The following FAM234A variants were observed in gnomAD, a reference collection of about 807,000 sequenced individuals.
FAM234A encodes the protein protein FAM234A.
A neutral mutation model predicts 49.1 loss-of-function variants in FAM234A; 42 were observed. That is an observed-to-expected ratio of 0.86 (90% CI 0.67 to 1.11). The LOEUF (loss-of-function observed/expected upper bound fraction) is 1.11, where lower values mean the gene tolerates loss of function less well. FAM234A is among the 50% of genes least tolerant of loss of function. The pLI, the probability that FAM234A is intolerant of heterozygous loss-of-function variation, is 0.00. For missense variants in FAM234A, 815 were observed against 745.2 expected, an observed-to-expected ratio of 1.09 and a Z score of -1.09; for synonymous variants, 369 against 316.2, an observed-to-expected ratio of 1.17 and a Z score of -1.77.
Position 260,153 on chromosome 16 carries a change from G to A in FAM234A, c.570G>A (p.Leu190=). 6.2e-7 allele frequency: 1 copy of A among 1,613,586 alleles called. No homozygotes were observed. Among genetic ancestry groups the A allele is most frequent in the South Asian group, 1.1e-5 (1 of 91,078 alleles). Residue 190 remains leucine (L), a synonymous_variant, in exon 5 of 13, where the codon TTG becomes TTA. Coordinates refer to ENST00000399932, the MANE Select transcript of FAM234A (RefSeq NM_032039.4). ...GRPSSFIAVN[L]FTGETLWNHS... is the part of the protein sequence containing the mutation. ...CCAGTTCTTTCATTGCAGTCAACTT[G>A]TTCACAGGTAGGCCAGCCAGGCAGC...
chr16:248,963 A>G (rs141120383), intron 1 of FAM234A, among the ~76,000 whole-genome samples: 1 of 152,138 alleles, frequency 6.6e-6, no homozygotes, highest in Non-Finnish European at 1.5e-5. Context: ...TTTTAAAATT[A>G]TAAATCCAAA....
Position 262,221 on chromosome 16 carries a change from C to G in FAM234A, c.837C>G (p.Pro279=). The G allele has an allele frequency of 6.2e-7, 1 of 1,613,914 alleles. No homozygotes were observed. Among genetic ancestry groups the G allele is most frequent in the South Asian group, 1.1e-5 (1 of 91,070 alleles). ...CAGGTGCCCACTACATCCTCTTTCC[C>G]TGCGGTACGTTGTTTCTGCCACATC... ...TRTGAHYILF[P]CASSLCGCSV... is the part of the protein sequence containing the mutation. The change falls in exon 7 of 13, where the codon CCC becomes CCG. Residue 279 remains proline, a synonymous_variant. Coordinates refer to ENST00000399932, the MANE Select transcript of FAM234A (RefSeq NM_032039.4).
At chr16:242,301 A>G (rs1010483234) in intron 1 of FAM234A, among the ~76,000 whole-genome samples, 4 of 151,542 alleles carry the variant, frequency 2.6e-5, no homozygotes, top group African/African-American at 4.9e-5. Context: ...CACATCCCCT[A>G]CCTCCCAGGC....
chr16:240,530 C>CTTTTT, intron 1 of FAM234A, among the ~76,000 whole-genome samples: 1 of 147,244 alleles, frequency 6.8e-6, no homozygotes. Flanking sequence ...GAGACAGAGT[C>CTTTTT]TTGCTCTTGT....
At chr16:241,920 AAAAG>A (rs1463085204) in intron 1 of FAM234A, among the ~76,000 whole-genome samples, 1 of 152,060 alleles carries the variant, frequency 6.6e-6, no homozygotes. Flanking sequence ...AAAAAAAAAA[AAAAG>A]GCAATTAGAA....
intron 1 of FAM234A, among the ~76,000 whole-genome samples, chr16:240,827 C>T (rs1361481246): frequency 6.6e-6 from 1 of 152,068 alleles, no homozygotes; most frequent in Non-Finnish European, 1.5e-5. Context: ...AATCCATTGA[C>T]AAAATCTTTT....
chr16:267,562 T>A (rs949718229), downstream of FAM234A, among the ~76,000 whole-genome samples: 1 of 148,708 alleles, frequency 6.7e-6, no homozygotes, highest in Non-Finnish European at 1.5e-5. Context: ...ACAGTACACC[T>A]GCACACGTGC....
chr16:235,518 G>C (rs1003570359), intron 1 of FAM234A, among the ~76,000 whole-genome samples: 3 of 152,164 alleles, frequency 2.0e-5, no homozygotes, highest in African/African-American at 7.2e-5. Flanking sequence ...GAGAGAGTTT[G>C]CCCTTGGACA....
chr16:251,726 A>G (rs1460615087), intron 2 of FAM234A, among the ~76,000 whole-genome samples: 2 of 122,530 alleles, frequency 1.6e-5, no homozygotes, highest in East Asian at 2.7e-4. Context: ...GGTCTTGGCC[A>G]GGCGTGGTGG....
intron 1 of FAM234A, among the ~76,000 whole-genome samples, chr16:246,171 C>T (rs1028023819): frequency 4.6e-5 from 7 of 151,324 alleles, no homozygotes; most frequent in African/African-American, 1.7e-4. Context: ...GCCAAGATCA[C>T]GCCATTGTAC....
chr16:240,598 G>A (rs1000538421), intron 1 of FAM234A, among the ~76,000 whole-genome samples: 2 of 151,698 alleles, frequency 1.3e-5, no homozygotes, highest in African/African-American at 4.9e-5. Flanking sequence ...TGCCTCCTTG[G>A]TTAAAGCGAT....
rs966403371 is a variant in FAM234A at position 263,853 on chromosome 16, G to A, written c.1188+78G>A. The A allele has an allele frequency of 2.0e-5, 28 of 1,403,328 alleles. 1 individual carries two copies. The highest frequency in any genetic ancestry group is 5.7e-5 in the African/African-American group (4 of 70,470). The allele number at this position is 1,403,328 out of a possible 1,614,324, so 86.9% of individuals were successfully genotyped here. A position where few individuals can be genotyped will look rare whatever the true frequency, so the allele number is the denominator to read the frequency against. Reference sequence around the variant, plus strand: ...CTGGTCTGAAAGCAGACGGGGCTGCGGCCCAGGAGGCTGCTGCCGTCAGAG... The same window carrying A: ...CTGGTCTGAAAGCAGACGGGGCTGCAGCCCAGGAGGCTGCTGCCGTCAGAG... On this transcript the variant is annotated intron_variant, in intron 10 of 12. Transcript: ENST00000399932.
At chr16:255,943 C>T (rs967828661) in intron 3 of FAM234A, among the ~76,000 whole-genome samples, 6 of 152,368 alleles carry the variant, frequency 3.9e-5, no homozygotes, top group Admixed American at 3.3e-4. Flanking sequence ...GGATTACCGG[C>T]GTGAGCCACC....
chr16:236,742 T>TA (rs1294449608), intron 1 of FAM234A, among the ~76,000 whole-genome samples: 1 of 145,062 alleles, frequency 6.9e-6, no homozygotes, highest in Admixed American at 7.0e-5. Flanking sequence ...CCGTCTCTAC[T>TA]AAAAATACAA....
Position 259,513 on chromosome 16 carries a change from TA to T in FAM234A, c.302del (p.Asn101ThrfsTer110). On this transcript the variant is annotated frameshift_variant, in exon 4 of 13. Transcript: ENST00000399932. LOFTEE classifies it high-confidence loss of function. ...VIYDFLAVDDINGDRIQDVLF... is the reference protein window; with the variant it reads ...VIYDFLAVDDXNGDRIQDVLF... ...TATGACTTTCTGGCTGTGGATGATA[TA>T]AACGGGGACAGGATCCAAGATGTTC... 1 of 1,610,854 alleles carries T rather than the reference TA, an allele frequency of 6.2e-7. No individual in the cohort carries two copies. The highest frequency in any genetic ancestry group is 8.5e-7 in the Non-Finnish European group (1 of 1,177,104).
intron 1 of FAM234A, among the ~76,000 whole-genome samples, chr16:244,903 G>T (rs1159633812): frequency 2.0e-5 from 3 of 150,680 alleles, no homozygotes; most frequent in Non-Finnish European, 4.4e-5. Flanking sequence ...TGTTGGTCAG[G>T]CTGGTCTCAA....
In FAM234A at chr16:237,143, C is replaced by T. The variant is rs1430252303; in HGVS notation, c.-140+2286C>T. Among the ~76,000 whole-genome samples, 4 of 152,002 alleles carry T rather than the reference C, an allele frequency of 2.6e-5. No homozygotes were observed. In the East Asian group the frequency reaches 5.8e-4, roughly 22 times the overall value. On this transcript the variant is annotated intron_variant, in intron 1 of 12. Transcript: ENST00000399932. ...CAGGTCTCAAACTCCTGGCTTCAAG[C>T]AGTCCTCCTGCCTTGGCCTCGCAAA... is the stretch of plus-strand genomic sequence containing the variant.
downstream of FAM234A, among the ~76,000 whole-genome samples, chr16:267,882 CACAT>C (rs1286086149): frequency 2.1e-5 from 3 of 144,418 alleles, no homozygotes; most frequent in Admixed American, 1.4e-4. Context: ...TCCTACACGA[CACAT>C]GCACATACCA....
intron 3 of FAM234A, among the ~76,000 whole-genome samples, chr16:256,271 G>A (rs987068345): frequency 5.3e-5 from 8 of 152,210 alleles, no homozygotes; most frequent in Non-Finnish European, 1.0e-4. Context: ...AACTTTCTGA[G>A]GAGCTGACAA....
Sources: gnomAD v4.1 joint callset for allele counts (sites outside exome capture counted in the v4.1 genomes callset) on GRCh38, gnomAD v4.1.1 for gene constraint, MANE v1.5 for transcripts, NCBI Gene and HGNC (gene_info 2026-07-23, HGNC 2026-07-21) for gene names.